PDE5A: variants seen among roughly 807,000 people sequenced by gnomAD.
PDE5A encodes the protein phosphodiesterase 5A, also known as cGMP-specific 3',5'-cyclic phosphodiesterase.
In PDE5A, 67 loss-of-function variants were observed where a neutral mutation model predicts 110.2. That is an observed-to-expected ratio of 0.61 (90% confidence interval 0.50 to 0.75). The LOEUF is 0.75. Ranked by LOEUF, PDE5A falls within the 30% of genes least tolerant of loss-of-function variation. The probability of loss-of-function intolerance (pLI) is 0.00; values close to 1 mark genes in which losing one functional copy is unlikely to be tolerated. For missense variants in PDE5A, 862 were observed against 1,045.1 expected (o/e 0.82, Z 2.42); for synonymous variants, 328 against 351.2 (o/e 0.93, Z 0.74).
intron 15 of PDE5A, 90 bp downstream of exon 15, chr4:119,510,957 T>C (rs1232952074): frequency 4.6e-6 from 4 of 873,642 alleles, no homozygotes; most frequent in East Asian, 2.5e-5. Flanking sequence ...CAAGAATTTA[T>C]GATGCTGGGA....
rs1204970684 is a variant in PDE5A at position 119,627,341 on chromosome 4, C to T, written c.152+1179G>A. On this transcript the variant is annotated intron_variant, in intron 1 of 20. Coordinates refer to ENST00000354960, the MANE Select transcript of PDE5A (RefSeq NM_001083.4). The surrounding 1 kb of genome is among the most constrained non-coding windows in gnomAD (Gnocchi z 4.6). ...GCCGCCCGTCGCCTCCCGCTCGCCC[C>T]GCGCTGCGCCGCCCCCTGGCGGGGA... The T allele has an allele frequency of 9.3e-7, 1 of 1,070,960 alleles. No homozygotes were observed. The highest frequency in any genetic ancestry group is 4.1e-5 in the South Asian group (1 of 24,272). 66.3% of individuals were successfully genotyped at this position (1,070,960 alleles called of 1,614,324 possible).
chr4:119,549,750 T>G (rs1157481531), intron 9 of PDE5A: 1 of 152,184 alleles, frequency 6.6e-6, no homozygotes, highest in Non-Finnish European at 1.5e-5. Context: ...GAAATATATT[T>G]CCTTAAAAGT....
intron 19 of PDE5A, among the ~76,000 whole-genome samples, chr4:119,501,901 C>T (rs1057097444): frequency 3.9e-5 from 6 of 152,050 alleles, no homozygotes; most frequent in African/African-American, 7.2e-5. Context: ...TTATCTATTC[C>T]CTTGGTGTAA....
In PDE5A at chr4:119,606,862, A is replaced by G. The variant is rs1434441719; in HGVS notation, c.588T>C (p.Asn196=). ...SLFLVCEDSS[N]DKFLISRLFD... ...AGAGGCGGCTGATAAGAAACTTGTC[A>G]TTGGAGCTGTCTTCACAGACAAGGA... Residue 196 remains asparagine, a synonymous_variant, in exon 2 of 21, where the codon AAT becomes AAC. Coordinates refer to ENST00000354960, the MANE Select transcript of PDE5A (RefSeq NM_001083.4). 1 of 1,614,142 alleles carries G rather than the reference A, an allele frequency of 6.2e-7. No individual in the cohort carries two copies. The highest frequency in any genetic ancestry group is 8.5e-7 in the Non-Finnish European group (1 of 1,180,056).
chr4:119,616,546 C>T (rs1458856121), intron 1 of PDE5A, among the ~76,000 whole-genome samples: 1 of 152,020 alleles, frequency 6.6e-6, no homozygotes, highest in South Asian at 2.1e-4. Context: ...ATGTTTAACA[C>T]ATTTTGATTT....
At chr4:119,566,994 A>G in intron 4 of PDE5A, 79 bp downstream of exon 4, 1 of 944,360 alleles carries the variant, frequency 1.1e-6, no homozygotes, top group East Asian at 2.4e-5. Context: ...TTTCAGCAAC[A>G]GCTAAACCTA....
At chr4:119,554,610 A>T (rs986283432) in intron 7 of PDE5A, among the ~76,000 whole-genome samples, 3 of 152,160 alleles carry the variant, frequency 2.0e-5, no homozygotes, top group Non-Finnish European at 4.4e-5. Context: ...TTTAATTGTA[A>T]TATCACTAAA....
chr4:119,622,029 C>T (rs1483093207), intron 1 of PDE5A, among the ~76,000 whole-genome samples: 1 of 152,100 alleles, frequency 6.6e-6, no homozygotes, highest in East Asian at 1.9e-4. Context: ...AAAACATTAG[C>T]CAGGCATGGT....
At position 119,596,540 on chromosome 4, in the gene PDE5A, T is replaced by C; in HGVS notation, c.814A>G (p.Lys272Glu). 1.9e-6 allele frequency: 3 copies of C among 1,590,060 alleles called. No individual in the cohort carries two copies. Among genetic ancestry groups the C allele is most frequent in the African/African-American group, 2.7e-5 (2 of 74,402 alleles). The change falls in exon 3 of 21, where the codon AAG (lysine) becomes GAG (glutamate). Residue 272 changes from lysine (K) to glutamate (E), a missense_variant. Physicochemically the swap from Lys to Glu is moderately conservative, Grantham distance 56. Coordinates refer to ENST00000354960, the MANE Select transcript of PDE5A (RefSeq NM_001083.4). ...TGGCTTACCTCTTCCCTATGATTCT[T>C]AATTGGCATACAAAGAATGCTTTGT... ...KTQSILCMPIKNHREEVVGVA... is the reference protein window; with the variant it reads ...KTQSILCMPIENHREEVVGVA...
rs1178067296 is a variant in PDE5A at position 119,503,097 on chromosome 4, C to T, written c.2332-442G>A. Among the ~76,000 whole-genome samples, 7 of 151,996 alleles carry T rather than the reference C, an allele frequency of 4.6e-5. 1 individual carries two copies. Among genetic ancestry groups the T allele is most frequent in the South Asian group, 2.1e-4 (1 of 4,828 alleles). On this transcript the variant is annotated intron_variant, in intron 18 of 20. Coordinates refer to ENST00000354960, the MANE Select transcript of PDE5A (RefSeq NM_001083.4). ...GTAAAGATCACCTAAGTGCTTATGG[C>T]GTGTTGGCTTTGGCACATGGAGAAT...
At chr4:119,599,122 A>T (rs935861705) in intron 2 of PDE5A, among the ~76,000 whole-genome samples, 10 of 152,274 alleles carry the variant, frequency 6.6e-5, no homozygotes, top group East Asian at 3.9e-4. Flanking sequence ...CTAAGACTAA[A>T]TTCAAAAGAT....
chr4:119,596,716 G>A, intron 2 of PDE5A, 104 bp from the exon 3 acceptor site: 1 of 524,540 alleles, frequency 1.9e-6, no homozygotes, highest in Non-Finnish European at 3.3e-6. Context: ...GACTTACCTT[G>A]TTACTCTGAG....
intron 1 of PDE5A, among the ~76,000 whole-genome samples, chr4:119,615,214 C>T (rs1729894434): frequency 6.6e-6 from 1 of 152,092 alleles, no homozygotes; most frequent in East Asian, 1.9e-4. Flanking sequence ...TCTTTTTGCC[C>T]TTCAACTTCC....
Position 119,519,119 on chromosome 4 carries a change from C to G in PDE5A, c.1926G>C (p.Glu642Asp). 6.2e-7 allele frequency: 1 copy of G among 1,613,706 alleles called. No individual in the cohort carries two copies. The highest frequency in any genetic ancestry group is 8.5e-7 in the Non-Finnish European group (1 of 1,179,660). The change falls in exon 14 of 21, where the codon GAG becomes GAC. Residue 642 changes from glutamate (E) to aspartate (D), a missense_variant. By Grantham distance (45) the Glu-to-Asp change is conservative. Coordinates refer to ENST00000354960, the MANE Select transcript of PDE5A (RefSeq NM_001083.4). ...GKIQNKLTDLEILALLIAALS... is the reference protein window; with the variant it reads ...GKIQNKLTDLDILALLIAALS... Reference sequence around the variant, plus strand: ...GTGCAGCAATCAGCAATGCAAGTATCTCCAGGTCAGTCAGCTTGTTCTGCA... The same window carrying G: ...GTGCAGCAATCAGCAATGCAAGTATGTCCAGGTCAGTCAGCTTGTTCTGCA...
intron 10 of PDE5A, 71 bp downstream of exon 10, chr4:119,542,388 G>A: frequency 7.1e-7 from 1 of 1,410,336 alleles, no homozygotes; most frequent in East Asian, 2.3e-5. Context: ...CACACCATGA[G>A]TGATTATGAG....
intron 2 of PDE5A, among the ~76,000 whole-genome samples, chr4:119,606,103 A>T (rs1729518167): frequency 6.6e-6 from 1 of 152,226 alleles, no homozygotes; most frequent in Non-Finnish European, 1.5e-5. Context: ...ACTTGTGCAT[A>T]GGTATAGCAA....
chr4:119,525,595 A>G lies in PDE5A; in HGVS notation c.1733T>C (p.Met578Thr). 6.2e-7 allele frequency: 1 copy of G among 1,613,376 alleles called. No homozygotes were observed. The highest frequency in any genetic ancestry group is 8.5e-7 in the Non-Finnish European group (1 of 1,179,548). The change falls in exon 12 of 21, where the codon ATG becomes ACG. Residue 578 changes from methionine to threonine, a missense_variant. By Grantham distance (81) the Met-to-Thr change is moderately conservative. Coordinates refer to ENST00000354960, the MANE Select transcript of PDE5A (RefSeq NM_001083.4). The surrounding 1 kb of genome is among the most constrained non-coding windows in gnomAD (Gnocchi z 4.3). Reference sequence around the variant, plus strand: ...CTGCACAAGGTTGAGGTCAGTAAACATCCGAATTGTACACAGTGCTGTTTC... The same window carrying G: ...CTGCACAAGGTTGAGGTCAGTAAACGTCCGAATTGTACACAGTGCTGTTTC... ...DLETALCTIR[M>T]FTDLNLVQNF...
rs576729237 is a variant in PDE5A at position 119,610,029 on chromosome 4, TGGTA to T, written c.153-2736_153-2733del. ...AATTTGAAGAAGCACAAAAGCAATG[TGGTA>T]GGTAAGTGTATTGTACAAATCACAA... is the stretch of plus-strand genomic sequence containing the variant. On this transcript the variant is annotated intron_variant, in intron 1 of 20. Coordinates refer to ENST00000354960, the MANE Select transcript of PDE5A (RefSeq NM_001083.4). Among the ~76,000 whole-genome samples, 14 of 152,346 alleles carry T rather than the reference TGGTA, an allele frequency of 9.2e-5. No homozygotes were observed. In the South Asian group the frequency reaches 2.7e-3, roughly 29 times the overall value.
At chr4:119,591,231 G>C (rs1425842115) in intron 3 of PDE5A, among the ~76,000 whole-genome samples, 1 of 152,126 alleles carries the variant, frequency 6.6e-6, no homozygotes, top group African/African-American at 2.4e-5. Flanking sequence ...TCTCTTTAAA[G>C]CTCTATTAGT....
Sources: allele counts gnomAD v4.1 joint callset (sites outside exome capture counted in the v4.1 genomes callset), GRCh38; gene constraint gnomAD v4.1.1; non-coding constraint Gnocchi (gnomAD v3.1); transcripts MANE v1.5; gene names NCBI Gene and HGNC (gene_info 2026-07-23, HGNC 2026-07-21).